Variants in DIP2B observed in about 807,000 individuals in gnomAD.
DIP2B encodes the protein DIP2 acetate--CoA ligase B (putative).
Under a neutral mutation model 198.0 loss-of-function variants are expected in DIP2B, and 76 were observed. That is an observed-to-expected ratio of 0.38 (90% CI 0.32 to 0.46). The LOEUF (loss-of-function observed/expected upper bound fraction) is 0.46, where lower values mean the gene tolerates loss of function less well. Among genes scored for constraint, DIP2B ranks in the 20% least tolerant of loss-of-function variants. The probability of loss-of-function intolerance (pLI) is 0.99; values close to 1 mark genes in which losing one functional copy is unlikely to be tolerated. For missense variants in DIP2B, 1,559 were observed against 1,978.4 expected, an observed-to-expected ratio of 0.79 and a Z score of 4.02; for synonymous variants, 701 against 739.1, an observed-to-expected ratio of 0.95 and a Z score of 0.84.
intron 12 of DIP2B, among the ~76,000 whole-genome samples, chr12:50,688,428 G>A (rs547299476): frequency 6.6e-6 from 1 of 152,230 alleles, no homozygotes; most frequent in East Asian, 1.9e-4. Flanking sequence ...GAGGGAGCTG[G>A]ATTGCTTGAA....
chr12:50,686,694 G>A lies in DIP2B; in HGVS notation c.1551+12G>A. 6.2e-7 allele frequency: 1 copy of A among 1,608,648 alleles called. No homozygotes were observed. The highest frequency in any genetic ancestry group is 8.5e-7 in the Non-Finnish European group (1 of 1,177,642). On this transcript the variant is annotated intron_variant, in intron 12 of 37. Coordinates refer to ENST00000301180, the MANE Select transcript of DIP2B (RefSeq NM_173602.3). ...CGGCATACATTGAGGTAAGTCCTAA[G>A]ATGTAAAATATGCTTTCAGGCTTTT...
At chr12:50,648,168 CTAAAAA>C (rs1938383857) in intron 3 of DIP2B, among the ~76,000 whole-genome samples, 1 of 151,824 alleles carries the variant, frequency 6.6e-6, no homozygotes, top group African/African-American at 2.4e-5. Context: ...TACTTTGAAA[CTAAAAA>C]TAACATATTC....
chr12:50,685,993 T>A, intron 11 of DIP2B, 37 bp downstream of exon 11: 1 of 1,592,552 alleles, frequency 6.3e-7, no homozygotes, highest in Non-Finnish European at 8.6e-7. Flanking sequence ...AGTTAAAAGT[T>A]AAAACTGAGT....
chr12:50,704,777 C>CA (rs1445556480), intron 20 of DIP2B, among the ~76,000 whole-genome samples: 1 of 151,972 alleles, frequency 6.6e-6, no homozygotes, highest in Non-Finnish European at 1.5e-5. Flanking sequence ...CCAGCCTGGC[C>CA]AACATGGCAA....
chr12:50,565,650 C>G (rs2139402149), intron 1 of DIP2B, among the ~76,000 whole-genome samples: 1 of 152,164 alleles, frequency 6.6e-6, no homozygotes, highest in East Asian at 1.9e-4. Context: ...TCAATGCCAG[C>G]TGTTTTTATT....
At chr12:50,568,376 C>G (rs1203678255) in intron 1 of DIP2B, among the ~76,000 whole-genome samples, 1 of 152,094 alleles carries the variant, frequency 6.6e-6, no homozygotes, top group African/African-American at 2.4e-5. Context: ...TGTGACTGGT[C>G]CAGACCTCAA....
At chr12:50,544,613 A>G (rs964475608) in intron 1 of DIP2B, among the ~76,000 whole-genome samples, 4 of 131,118 alleles carry the variant, frequency 3.1e-5, no homozygotes, top group Non-Finnish European at 4.8e-5. Flanking sequence ...GCCTCAGATA[A>G]CTTTCTTTTT....
intron 1 of DIP2B, among the ~76,000 whole-genome samples, chr12:50,524,163 G>A (rs914614261): frequency 2.0e-5 from 3 of 152,138 alleles, no homozygotes; most frequent in African/African-American, 7.2e-5. Flanking sequence ...ACTACCTTGA[G>A]AATATATTCT....
chr12:50,567,006 T>C (rs1005810080), intron 1 of DIP2B, among the ~76,000 whole-genome samples: 1 of 151,258 alleles, frequency 6.6e-6, no homozygotes, highest in Non-Finnish European at 1.5e-5. Context: ...AGAAAGAAAT[T>C]GAATCATTCT....
chr12:50,550,427 AAAAG>A (rs1378301416), intron 1 of DIP2B, among the ~76,000 whole-genome samples: 1 of 152,194 alleles, frequency 6.6e-6, no homozygotes. Context: ...CACCCAGTCT[AAAAG>A]AACGATTAGA....
intron 4 of DIP2B, among the ~76,000 whole-genome samples, chr12:50,669,364 T>C (rs1429823339): frequency 5.3e-5 from 8 of 152,146 alleles, no homozygotes; most frequent in Admixed American, 5.2e-4. Flanking sequence ...TATGAAATAA[T>C]AAGTTGGAGG....
intron 23 of DIP2B, among the ~76,000 whole-genome samples, chr12:50,717,896 C>CTTTTTT (rs60627093): frequency 1.8e-4 from 16 of 87,048 alleles, no homozygotes; most frequent in Admixed American, 4.9e-4. Context: ...CCATTATTCA[C>CTTTTTT]TTTTTTTTTT....
intron 29 of DIP2B, among the ~76,000 whole-genome samples, chr12:50,728,152 G>A (rs1262634175): frequency 1.3e-5 from 2 of 152,174 alleles, no homozygotes; most frequent in Admixed American, 6.5e-5. Flanking sequence ...AGGCCAAGGC[G>A]GGCAGATCAC....
intron 1 of DIP2B, among the ~76,000 whole-genome samples, chr12:50,545,826 G>T (rs960210108): frequency 6.6e-6 from 1 of 151,726 alleles, no homozygotes; most frequent in Non-Finnish European, 1.5e-5. Flanking sequence ...TAGTAGAGGC[G>T]GGGTTTCACC....
chr12:50,659,389 C>G (rs1938607207), intron 3 of DIP2B, among the ~76,000 whole-genome samples: 1 of 152,000 alleles, frequency 6.6e-6, no homozygotes, highest in Non-Finnish European at 1.5e-5. Flanking sequence ...GTGGATTAGG[C>G]CCATTCCTAG....
intron 1 of DIP2B, among the ~76,000 whole-genome samples, chr12:50,613,022 C>T (rs1015419229): frequency 3.3e-5 from 5 of 152,220 alleles, no homozygotes; most frequent in African/African-American, 1.2e-4. Context: ...CAGCATGTGC[C>T]TCCCGTTACT....
At chr12:50,511,291 A>ACTTT (rs777858712) in intron 1 of DIP2B, among the ~76,000 whole-genome samples, 2 of 64,664 alleles carry the variant, frequency 3.1e-5, no homozygotes, top group Non-Finnish European at 5.3e-5. Context: ...TGTGATTTCT[A>ACTTT]TTTTTTTTTT....
intron 6 of DIP2B, 45 bp downstream of exon 6, chr12:50,674,674 T>C (rs1476183040): frequency 6.2e-7 from 1 of 1,604,942 alleles, no homozygotes. Flanking sequence ...TAAACTAAAC[T>C]AGAAAAATTC....
At chr12:50,618,114 G>A (rs569169555) in intron 1 of DIP2B, among the ~76,000 whole-genome samples, 7 of 152,272 alleles carry the variant, frequency 4.6e-5, no homozygotes, top group African/African-American at 1.4e-4. Context: ...TGCTTTTTCC[G>A]TTTATTGAAG....
Sources: allele counts gnomAD v4.1 joint callset (sites outside exome capture counted in the v4.1 genomes callset), GRCh38; gene constraint gnomAD v4.1.1; transcripts MANE v1.5; gene names NCBI Gene and HGNC (gene_info 2026-07-23, HGNC 2026-07-21).